Variants in BBX observed in about 807,000 individuals in gnomAD.
The protein encoded by BBX is BBX high mobility group box domain containing, also known as HMG box transcription factor BBX.
A neutral mutation model predicts 100.2 loss-of-function variants in BBX; 30 were observed. The observed-to-expected ratio is 0.30, with a 90% CI of 0.22 to 0.41. The LOEUF (loss-of-function observed/expected upper bound fraction) is 0.41, where lower values mean the gene tolerates loss of function less well. BBX is among the 10% of genes least tolerant of loss of function. The pLI is 1.00. For missense variants in BBX, 1,023 were observed against 1,129.8 expected (o/e 0.91, Z 1.35); for synonymous variants, 376 against 388.1 (o/e 0.97, Z 0.37).
chr3:107,735,957 C>T (rs778163884), intron 7 of BBX, among the ~76,000 whole-genome samples: 2 of 151,842 alleles, frequency 1.3e-5, no homozygotes, highest in South Asian at 2.1e-4. Flanking sequence ...AAAATGGATG[C>T]GTTTTGATAG....
In BBX at chr3:107,789,048, G is replaced by T. The variant is rs149624961; in HGVS notation, c.2204-739G>T. 8.6e-3 allele frequency among the ~76,000 whole-genome samples: 1,308 copies of T among 152,276 alleles called. 8 individuals are homozygous for T. The highest frequency in any genetic ancestry group is 0.015 in the Non-Finnish European group (990 of 68,016). On this transcript the variant is annotated intron_variant, in intron 13 of 17. Transcript: ENST00000325805. ...ATGCCATGGGTGGAGGAACTGACCAGATGGGAGCATCAAATGGTTCACCTG... is the reference window on the plus strand; with the variant it reads ...ATGCCATGGGTGGAGGAACTGACCATATGGGAGCATCAAATGGTTCACCTG...
At chr3:107,769,231 C>T (rs62262058) in intron 10 of BBX, among the ~76,000 whole-genome samples, 15,530 of 96,640 alleles carry the variant, frequency 0.16, 389 homozygotes, top group Admixed American at 0.18. Flanking sequence ...GATAGATAGA[C>T]AGATAGATAG....
intron 3 of BBX, among the ~76,000 whole-genome samples, chr3:107,686,623 A>G (rs2059864333): frequency 6.6e-6 from 1 of 152,174 alleles, no homozygotes; most frequent in Admixed American, 6.5e-5. Context: ...GTCTAGGGGC[A>G]CTTGAACTCC....
At position 107,540,963 on chromosome 3, in the gene BBX, A is replaced by G. The variant is rs150274446; in HGVS notation, c.-84+14565A>G. ...TTTATGGTCATAAAATAAATCTGTC[A>G]TGCATATACTTGAGCATCATCAGAG... On this transcript the variant is annotated intron_variant, in intron 2 of 17. Coordinates refer to ENST00000325805, the MANE Select transcript of BBX (RefSeq NM_001142568.3). Among the ~76,000 whole-genome samples the G allele has an allele frequency of 2.9e-3, 438 of 152,288 alleles. 3 individuals carry two copies. Among genetic ancestry groups the G allele is most frequent in the Non-Finnish European group, 5.4e-3 (364 of 68,026 alleles).
At chr3:107,699,212 C>G (rs919905715) in intron 3 of BBX, among the ~76,000 whole-genome samples, 3 of 151,654 alleles carry the variant, frequency 2.0e-5, no homozygotes, top group African/African-American at 7.3e-5. Context: ...TTGAAAGGAC[C>G]AGAAGTGGCG....
At chr3:107,725,884 T>C (rs1442689195) in intron 5 of BBX, among the ~76,000 whole-genome samples, 2 of 152,026 alleles carry the variant, frequency 1.3e-5, no homozygotes, top group African/African-American at 2.4e-5. Context: ...TGGGAGAATT[T>C]TGAAAATCAG....
At chr3:107,678,689 G>A (rs955253257) in intron 3 of BBX, among the ~76,000 whole-genome samples, 6 of 152,024 alleles carry the variant, frequency 3.9e-5, no homozygotes, top group African/African-American at 1.4e-4. Context: ...TTGCACTACT[G>A]CACTTCAGCC....
chr3:107,535,763 T>C (rs1576207407), intron 2 of BBX, among the ~76,000 whole-genome samples: 2 of 152,160 alleles, frequency 1.3e-5, no homozygotes, highest in East Asian at 3.9e-4. Flanking sequence ...CGTCTACTTT[T>C]TGTATTAATG....
At chr3:107,652,076 CTTAGT>C (rs2057871505) in intron 3 of BBX, among the ~76,000 whole-genome samples, 1 of 152,140 alleles carries the variant, frequency 6.6e-6, no homozygotes, top group Admixed American at 6.5e-5. Flanking sequence ...TTATAACCTG[CTTAGT>C]TTAATTTGCA....
At chr3:107,769,745 T>G (rs1192083548) in intron 10 of BBX, among the ~76,000 whole-genome samples, 1 of 152,090 alleles carries the variant, frequency 6.6e-6, no homozygotes, top group Non-Finnish European at 1.5e-5. Context: ...AGCAGAACTG[T>G]TGTCTGATAG....
chr3:107,608,871 A>T (rs1475285638), intron 2 of BBX, among the ~76,000 whole-genome samples: 2 of 152,056 alleles, frequency 1.3e-5, no homozygotes, highest in African/African-American at 4.8e-5. Flanking sequence ...GATTGTTCGC[A>T]TATAGAAATG....
chr3:107,618,257 C>T (rs940871791), intron 2 of BBX, among the ~76,000 whole-genome samples: 9 of 151,820 alleles, frequency 5.9e-5, no homozygotes, highest in Non-Finnish European at 1.5e-5. Flanking sequence ...TTAGATATTT[C>T]TGAATTCCTT....
At chr3:107,627,706 T>C (rs1405362681) in intron 2 of BBX, among the ~76,000 whole-genome samples, 1 of 152,066 alleles carries the variant, frequency 6.6e-6, no homozygotes, top group African/African-American at 2.4e-5. Flanking sequence ...TATCTCACTA[T>C]TGATAGTGAT....
intron 2 of BBX, among the ~76,000 whole-genome samples, chr3:107,571,285 G>A (rs1356518279): frequency 6.6e-6 from 1 of 152,138 alleles, no homozygotes; most frequent in Non-Finnish European, 1.5e-5. Context: ...GGGTACGTGG[G>A]TGAATGACCA....
At chr3:107,721,169 T>C (rs1361438646) in intron 5 of BBX, among the ~76,000 whole-genome samples, 1 of 152,116 alleles carries the variant, frequency 6.6e-6, no homozygotes, top group Non-Finnish European at 1.5e-5. Flanking sequence ...AAATTTTGTT[T>C]ACATACTTTC....
chr3:107,808,910 T>C lies in BBX; in HGVS notation c.*3453T>C, dbSNP rs1179983479. 1 of 152,252 alleles carries C rather than the reference T, an allele frequency of 6.6e-6. No homozygotes were observed. The allele number at this position is 152,252 out of a possible 1,614,324, so 9.4% of individuals were successfully genotyped here. ...AGCCATGTTAAAATAATTCCCACGT[T>C]ATCATTGTGATTCTACTTCCTGCCA... On this transcript the variant is annotated 3_prime_UTR_variant, in exon 18 of 18. Coordinates refer to ENST00000325805, the MANE Select transcript of BBX (RefSeq NM_001142568.3).
At chr3:107,788,336 G>A (rs1045939263) in intron 13 of BBX, among the ~76,000 whole-genome samples, 1 of 152,160 alleles carries the variant, frequency 6.6e-6, no homozygotes, top group Non-Finnish European at 1.5e-5. Context: ...GGCATTCAAG[G>A]CAGAGGGTGT....
chr3:107,614,083 C>G lies in BBX; in HGVS notation c.-83-31753C>G, dbSNP rs552765689. Among the ~76,000 whole-genome samples the G allele has an allele frequency of 9.9e-5, 15 of 151,116 alleles. No individual in the cohort carries two copies. The South Asian group carries it at 3.1e-3, about 32-fold the overall frequency. ...TCTCTTGCCTCAGCTTCCTGACTAG[C>G]TGGGACTACAGGCACACACCACCAC... is the stretch of plus-strand genomic sequence containing the variant. On this transcript the variant is annotated intron_variant, in intron 2 of 17. Transcript: ENST00000325805.
At chr3:107,590,881 G>A (rs2053255408) in intron 2 of BBX, among the ~76,000 whole-genome samples, 1 of 152,136 alleles carries the variant, frequency 6.6e-6, no homozygotes, top group African/African-American at 2.4e-5. Flanking sequence ...AAGCTGGTTT[G>A]GAGTATGGAG....
Sources: allele counts gnomAD v4.1 joint callset (sites outside exome capture counted in the v4.1 genomes callset), GRCh38; gene constraint gnomAD v4.1.1; transcripts MANE v1.5; gene names NCBI Gene and HGNC (gene_info 2026-07-23, HGNC 2026-07-21).